The following SULF2 variants were observed in gnomAD, a reference collection of about 807,000 sequenced individuals.
SULF2 encodes sulfatase 2, also known as extracellular sulfatase Sulf-2.
Under a neutral mutation model 107.7 loss-of-function variants are expected in SULF2, and 52 were observed. The ratio of observed to expected loss-of-function variants is 0.48; its 90% CI spans 0.39 to 0.61. The LOEUF (loss-of-function observed/expected upper bound fraction) is 0.61, where lower values mean the gene tolerates loss of function less well. Ranked by LOEUF, SULF2 falls within the 20% of genes least tolerant of loss-of-function variation. The probability of loss-of-function intolerance (pLI) is 0.00; values close to 1 mark genes in which losing one functional copy is unlikely to be tolerated. For synonymous variants in SULF2, 460 were observed against 464.3 expected, an observed-to-expected ratio of 0.99 and a Z score of 0.12; for missense variants, 993 against 1,177.3, an observed-to-expected ratio of 0.84 and a Z score of 2.29.
intron 3 of SULF2, among the ~76,000 whole-genome samples, chr20:47,722,065 C>G (rs957032422): frequency 6.6e-6 from 1 of 152,152 alleles, no homozygotes; most frequent in Non-Finnish European, 1.5e-5. Context: ...CCTAATAAAG[C>G]CAACCCAATG....
At position 47,694,576 on chromosome 20, in the gene SULF2, T is replaced by G. The variant is rs2088312363; in HGVS notation, c.568-4281A>C. On this transcript the variant is annotated intron_variant, in intron 4 of 20. Transcript: ENST00000688720. This position sits in a 1 kb window ranked among gnomAD's most constrained non-coding sequence, Gnocchi z 4.4. ...GCTGGCCTGCACAGCTCCACAGGGC[T>G]GAGAAGCCACAGCTGGGACCCCGAG... is the stretch of plus-strand genomic sequence containing the variant. Among the ~76,000 whole-genome samples, 1 of 152,016 alleles carries G rather than the reference T, an allele frequency of 6.6e-6. No homozygotes were observed. Among genetic ancestry groups the G allele is most frequent in the Non-Finnish European group, 1.5e-5 (1 of 67,998 alleles).
At chr20:47,667,793 C>T (rs866857805) in intron 11 of SULF2, among the ~76,000 whole-genome samples, 1 of 152,094 alleles carries the variant, frequency 6.6e-6, no homozygotes, top group Non-Finnish European at 1.5e-5. Context: ...AGATGGTGAC[C>T]AAAGAGGACC....
chr20:47,734,686 CTGGAA>C (rs2089688996), intron 3 of SULF2, among the ~76,000 whole-genome samples: 1 of 152,076 alleles, frequency 6.6e-6, no homozygotes, highest in Non-Finnish European at 1.5e-5. Flanking sequence ...GAAAGTAAGG[CTGGAA>C]TGGGATTCTT....
At chr20:47,735,225 T>A (rs2089700329) in intron 3 of SULF2, among the ~76,000 whole-genome samples, 1 of 152,060 alleles carries the variant, frequency 6.6e-6, no homozygotes, top group African/African-American at 2.4e-5. Context: ...TCTTCCAGCA[T>A]CCAAAACGAA....
intron 4 of SULF2, among the ~76,000 whole-genome samples, chr20:47,699,387 T>C (rs2088487447): frequency 6.6e-6 from 1 of 151,890 alleles, no homozygotes. Flanking sequence ...TCAGAAGTAC[T>C]ACATGTTATC....
intron 2 of SULF2, among the ~76,000 whole-genome samples, chr20:47,746,898 C>T (rs185353213): frequency 9.9e-5 from 15 of 150,754 alleles, no homozygotes; most frequent in African/African-American, 3.2e-4. Flanking sequence ...GACGAGTTAA[C>T]GGGTGCAGCA....
At chr20:47,759,644 A>G (rs2090373877) in intron 1 of SULF2, among the ~76,000 whole-genome samples, 2 of 152,210 alleles carry the variant, frequency 1.3e-5, no homozygotes, top group Non-Finnish European at 2.9e-5. Context: ...GTGAGCCGAG[A>G]TCATGTCATT....
rs373180984 is a variant in SULF2 at position 47,736,915 on chromosome 20, C to T, written c.203G>A (p.Arg68Gln). ...LGSMQVMNKT[R>Q]RIMEQGGAHF... Reference sequence around the variant, plus strand: ...CGCCCCGCCCTGCTCCATGATGCGCCGGGTCTTGTTCATCACCTGCATGGA... The same window carrying T: ...CGCCCCGCCCTGCTCCATGATGCGCTGGGTCTTGTTCATCACCTGCATGGA... The change falls in exon 3 of 21, where the codon CGG becomes CAG. Residue 68 changes from arginine (R) to glutamine (Q), a missense_variant. By Grantham distance (43) the Arg-to-Gln change is conservative. This residue lies in a region of SULF2 where 388 missense variants were observed against 449.2 expected (regional missense o/e 0.86). Transcript: ENST00000688720. The T allele has an allele frequency of 5.6e-5, 90 of 1,614,208 alleles. No individual in the cohort carries two copies. In the East Asian group the frequency reaches 8.9e-4, roughly 16 times the overall value.
chr20:47,660,630 T>TG (rs1378903018), intron 18 of SULF2, among the ~76,000 whole-genome samples: 2 of 152,086 alleles, frequency 1.3e-5, no homozygotes, highest in Admixed American at 6.6e-5. Context: ...TTTTTAGAGA[T>TG]GGGGCGACAG....
At chr20:47,778,497 G>A (rs752243894) in intron 1 of SULF2, among the ~76,000 whole-genome samples, 10 of 152,240 alleles carry the variant, frequency 6.6e-5, no homozygotes, top group Non-Finnish European at 1.3e-4. Context: ...TTAAGAGAAC[G>A]TGGGGAATTC....
At chr20:47,768,328 C>T (rs1408465298) in intron 1 of SULF2, among the ~76,000 whole-genome samples, 1 of 152,228 alleles carries the variant, frequency 6.6e-6, no homozygotes, top group Non-Finnish European at 1.5e-5. Flanking sequence ...TTGTTTCAGG[C>T]CCAATAAATT....
rs911530407 is a variant in SULF2, at chr20:47,686,457, C to T, written c.738-1876G>A. Among the ~76,000 whole-genome samples the T allele has an allele frequency of 5.9e-4, 90 of 152,216 alleles. 1 individual carries two copies. The highest frequency in any genetic ancestry group is 2.0e-3 in the African/African-American group (84 of 41,450). On this transcript the variant is annotated intron_variant, in intron 5 of 20. Coordinates refer to ENST00000688720, the MANE Select transcript of SULF2 (RefSeq NM_001387048.1). ...AGGCCTCACAAAACGTGGGCTTCCT[C>T]GCCCTGGGCCTGATGGTTCTTGAAG... is the stretch of plus-strand genomic sequence containing the variant.
chr20:47,745,385 A>G lies in SULF2; in HGVS notation c.176-8443T>C, dbSNP rs2089983418. On this transcript the variant is annotated intron_variant, in intron 2 of 20. Coordinates refer to ENST00000688720, the MANE Select transcript of SULF2 (RefSeq NM_001387048.1). ...AGGGTTGTTCTGAGTTTTGAGGGAA[A>G]AAAAAAAAAAAAAAAAAAAAAAAAA... Among the ~76,000 whole-genome samples, 5 of 6,142 alleles carry G rather than the reference A, an allele frequency of 8.1e-4. 1 individual carries two copies. Among genetic ancestry groups the G allele is most frequent in the South Asian group, 5.6e-3 (1 of 180 alleles). The allele number at this position is 6,142 out of a possible 152,430, so 4.0% of individuals were successfully genotyped here.
chr20:47,755,663 T>C (rs1030759348), intron 2 of SULF2, among the ~76,000 whole-genome samples: 3 of 152,222 alleles, frequency 2.0e-5, no homozygotes, highest in Non-Finnish European at 4.4e-5. Context: ...GGCCTCTGAA[T>C]GAGTGTCCTG....
At chr20:47,731,393 A>G (rs954182203) in intron 3 of SULF2, among the ~76,000 whole-genome samples, 2 of 151,700 alleles carry the variant, frequency 1.3e-5, no homozygotes, top group African/African-American at 2.4e-5. Context: ...GGGTTTCACC[A>G]TGTTGGTCAG....
chr20:47,744,307 C>T (rs1325563443), intron 2 of SULF2, among the ~76,000 whole-genome samples: 2 of 152,098 alleles, frequency 1.3e-5, no homozygotes, highest in Non-Finnish European at 2.9e-5. Flanking sequence ...CTCAGCCTCC[C>T]GAGCAGCTGG....
Position 47,741,711 on chromosome 20 carries a change from G to A in SULF2, c.176-4769C>T, listed in dbSNP as rs147850262. ...GTCCCAAACACGAAGGAGAAAGGAC[G>A]AAGCAGCTGGTAGTGAGAGCTCAGC... On this transcript the variant is annotated intron_variant, in intron 2 of 20. Coordinates refer to ENST00000688720, the MANE Select transcript of SULF2 (RefSeq NM_001387048.1). Among the ~76,000 whole-genome samples, 41 of 152,256 alleles carry A rather than the reference G, an allele frequency of 2.7e-4. 1 individual carries two copies. The highest frequency in any genetic ancestry group is 9.6e-4 in the African/African-American group (40 of 41,552).
At chr20:47,721,606 C>T (rs2089299361) in intron 3 of SULF2, among the ~76,000 whole-genome samples, 1 of 152,086 alleles carries the variant, frequency 6.6e-6, no homozygotes, top group African/African-American at 2.4e-5. Flanking sequence ...CTGACCTCAA[C>T]TGATCCACCC....
At chr20:47,772,036 G>A (rs562060785) in intron 1 of SULF2, among the ~76,000 whole-genome samples, 1 of 152,326 alleles carries the variant, frequency 6.6e-6, no homozygotes, top group South Asian at 2.1e-4. Flanking sequence ...GTTAACCTCT[G>A]TGCTCCATCC....
Sources: allele counts gnomAD v4.1 joint callset (sites outside exome capture counted in the v4.1 genomes callset), GRCh38; gene constraint gnomAD v4.1.1; regional missense constraint gnomAD v4.1.1; non-coding constraint Gnocchi (gnomAD v3.1); transcripts MANE v1.5; gene names NCBI Gene and HGNC (gene_info 2026-07-23, HGNC 2026-07-21).